The following NCAPG2 variants were observed in gnomAD, a reference collection of about 807,000 sequenced individuals.
The protein encoded by NCAPG2 is non-SMC condensin II complex subunit G2.
In NCAPG2, 53 loss-of-function variants were observed where a neutral mutation model predicts 141.1. That is an observed-to-expected ratio of 0.38 (90% CI 0.30 to 0.47). The LOEUF (loss-of-function observed/expected upper bound fraction) is 0.47, where lower values mean the gene tolerates loss of function less well. NCAPG2 is among the 20% of genes least tolerant of loss of function. The pLI, the probability that NCAPG2 is intolerant of heterozygous loss-of-function variation, is 0.99. For missense variants in NCAPG2, 1,087 were observed against 1,389.0 expected, an observed-to-expected ratio of 0.78 and a Z score of 3.46; for synonymous variants, 499 against 490.7, an observed-to-expected ratio of 1.02 and a Z score of -0.22.
intron 9 of NCAPG2, among the ~76,000 whole-genome samples, chr7:158,681,506 T>C (rs576294783): frequency 1.3e-5 from 2 of 152,320 alleles, no homozygotes; most frequent in South Asian, 4.1e-4. Flanking sequence ...TAGTGAAACA[T>C]GAAAATTTTG....
At chr7:158,698,437 T>C (rs1481941995) in intron 2 of NCAPG2, among the ~76,000 whole-genome samples, 1 of 152,236 alleles carries the variant, frequency 6.6e-6, no homozygotes, top group Non-Finnish European at 1.5e-5. Flanking sequence ...TTATGTTTTA[T>C]ACTGTATTTT....
intron 27 of NCAPG2, among the ~76,000 whole-genome samples, chr7:158,632,231 T>A (rs1401810954): frequency 6.6e-6 from 1 of 152,026 alleles, no homozygotes; most frequent in African/African-American, 2.4e-5. Flanking sequence ...CCTCCTCACG[T>A]CCTCCCCAGC....
chr7:158,647,147 C>A (rs1461148587), intron 24 of NCAPG2, among the ~76,000 whole-genome samples: 1 of 152,156 alleles, frequency 6.6e-6, no homozygotes, highest in African/African-American at 2.4e-5. Flanking sequence ...TTATCATCTA[C>A]TGTAAATAAT....
intron 13 of NCAPG2, among the ~76,000 whole-genome samples, chr7:158,670,710 A>G (rs1833631170): frequency 6.6e-6 from 1 of 152,176 alleles, no homozygotes; most frequent in African/African-American, 2.4e-5. Flanking sequence ...TTATACTTCC[A>G]TATCTTAGAG....
rs1829995794 is a variant in NCAPG2, at chr7:158,633,220, C to T, written c.3381-1503G>A. On this transcript the variant is annotated intron_variant, in intron 27 of 27. Transcript: ENST00000356309. The surrounding 1 kb of genome is among the most constrained non-coding windows in gnomAD (Gnocchi z 4.1). ...CCTTTTCCCCCAAGTCTATCCCCAC[C>T]CTCGTGACCTCTCCTCGTGAGTATT... Among the ~76,000 whole-genome samples, 2 of 152,178 alleles carry T rather than the reference C, an allele frequency of 1.3e-5. No individual in the cohort carries two copies. Among genetic ancestry groups the T allele is most frequent in the South Asian group, 2.1e-4 (1 of 4,830 alleles).
chr7:158,637,918 C>T (rs866707954), intron 27 of NCAPG2, among the ~76,000 whole-genome samples: 6 of 151,982 alleles, frequency 3.9e-5, no homozygotes, highest in East Asian at 3.9e-4. Flanking sequence ...CCGAGGCGGG[C>T]GGATCACTTG....
Position 158,693,561 on chromosome 7 carries a change from T to C in NCAPG2, c.79-64A>G, listed in dbSNP as rs1052395979. 5 of 1,402,530 alleles carry C rather than the reference T, an allele frequency of 3.6e-6. No individual in the cohort carries two copies. In the Admixed American group the frequency reaches 1.2e-4, roughly 32 times the overall value. 86.9% of individuals were successfully genotyped at this position (1,402,530 alleles called of 1,614,324 possible). On this transcript the variant is annotated intron_variant, in intron 2 of 27. Coordinates refer to ENST00000356309, the MANE Select transcript of NCAPG2 (RefSeq NM_017760.7). ...AAAATTAATCATATCCTTTTCATAATGTCATCAAAAGAAAAGTTAAGTGTT... is the reference window on the plus strand; with the variant it reads ...AAAATTAATCATATCCTTTTCATAACGTCATCAAAAGAAAAGTTAAGTGTT...
intron 24 of NCAPG2, among the ~76,000 whole-genome samples, chr7:158,647,789 C>G (rs55991807): frequency 0.012 from 1,884 of 152,098 alleles, 49 homozygotes; most frequent in African/African-American, 0.042. Context: ...CAGCCTTGAA[C>G]TCCTGCCTCA....
chr7:158,682,312 C>T (rs1318524102), intron 9 of NCAPG2, among the ~76,000 whole-genome samples: 1 of 150,870 alleles, frequency 6.6e-6, no homozygotes, highest in African/African-American at 2.4e-5. Flanking sequence ...CCCAAACTGA[C>T]TACAACTAAA....
chr7:158,679,507 T>G (rs1358686723), intron 11 of NCAPG2, among the ~76,000 whole-genome samples: 1 of 152,168 alleles, frequency 6.6e-6, no homozygotes, highest in East Asian at 1.9e-4. Flanking sequence ...ACCCAACACC[T>G]TTAGGATAGG....
chr7:158,646,377 G>T, intron 25 of NCAPG2, 83 bp downstream of exon 25: 2 of 940,620 alleles, frequency 2.1e-6, no homozygotes, highest in Non-Finnish European at 3.2e-6. Context: ...TGAAAAACTT[G>T]AGTGTAAAAG....
intron 19 of NCAPG2, among the ~76,000 whole-genome samples, 173 bp from the exon 20 acceptor site, chr7:158,655,628 G>C (rs1831858423): frequency 6.6e-6 from 1 of 152,280 alleles, no homozygotes; most frequent in Non-Finnish European, 1.5e-5. Flanking sequence ...TGGGTGGTAT[G>C]GGAAAATGTA....
At chr7:158,646,428 G>A in intron 25 of NCAPG2, 32 bp downstream of exon 25, 4 of 1,519,004 alleles carry the variant, frequency 2.6e-6, no homozygotes, top group Non-Finnish European at 3.6e-6. Context: ...GCCACGATGA[G>A]CATTTCAGGA....
intron 13 of NCAPG2, among the ~76,000 whole-genome samples, chr7:158,670,203 TA>T (rs1427882738): frequency 3.9e-5 from 6 of 152,230 alleles, no homozygotes; most frequent in African/African-American, 1.4e-4. Context: ...TGTTTTCTTC[TA>T]ATATAAAAAA....
rs1563511321 is a variant in NCAPG2, at chr7:158,652,472, A to G, written c.2755T>C (p.Phe919Leu). Residue 919 changes from phenylalanine to leucine, a missense_variant, in exon 23 of 28, where the codon TTT becomes CTT. Transcript: ENST00000356309. Reference sequence around the variant, plus strand: ...TCAAGAAGTAATGAAACATAAAAAAATCCCTTCACTAGAAAGAAAATTGGA... The same window carrying G: ...TCAAGAAGTAATGAAACATAAAAAAGTCCCTTCACTAGAAAGAAAATTGGA... ...SLGIMQTVKGFFYVSLLLDIL... is the reference protein window; with the variant it reads ...SLGIMQTVKGLFYVSLLLDIL... 1.9e-6 allele frequency: 3 copies of G among 1,595,938 alleles called. No homozygotes were observed. The highest frequency in any genetic ancestry group is 2.6e-6 in the Non-Finnish European group (3 of 1,172,984).
chr7:158,668,590 A>G, intron 13 of NCAPG2: 1 of 251,710 alleles, frequency 4.0e-6, no homozygotes, highest in Non-Finnish European at 6.3e-6. Context: ...GATCGGACAT[A>G]GCAATAATTG....
intron 8 of NCAPG2, among the ~76,000 whole-genome samples, chr7:158,684,994 C>G (rs1022529008): frequency 6.6e-6 from 1 of 152,218 alleles, no homozygotes; most frequent in East Asian, 1.9e-4. Flanking sequence ...CTCTGCCCAT[C>G]AGTGCAGGGC....
rs556726445 is a variant in NCAPG2 at position 158,652,156 on chromosome 7, C to T, written c.2934+137G>A. ...GGACTCCATCTCTCTCAGTGCACCTCGCCAGCAGGGACCTCCCACACAACA... is the reference window on the plus strand; with the variant it reads ...GGACTCCATCTCTCTCAGTGCACCTTGCCAGCAGGGACCTCCCACACAACA... On this transcript the variant is annotated intron_variant, in intron 23 of 27. Transcript: ENST00000356309. 13 of 843,260 alleles carry T rather than the reference C, an allele frequency of 1.5e-5. No homozygotes were observed. In the Admixed American group the frequency reaches 2.6e-4, roughly 17 times the overall value. The allele number at this position is 843,260 out of a possible 1,614,324, so 52.2% of individuals were successfully genotyped here.
chr7:158,643,658 T>C (rs553012898), intron 27 of NCAPG2, among the ~76,000 whole-genome samples: 6 of 152,352 alleles, frequency 3.9e-5, no homozygotes, highest in Admixed American at 3.3e-4. Context: ...AAAGGTGAAT[T>C]TCCTAGTGCA....
Sources: gnomAD v4.1 joint callset for allele counts (sites outside exome capture counted in the v4.1 genomes callset) on GRCh38, gnomAD v4.1.1 for gene constraint, Gnocchi (gnomAD v3.1) non-coding constraint, MANE v1.5 for transcripts, NCBI Gene and HGNC (gene_info 2026-07-23, HGNC 2026-07-21) for gene names.